The following ARHGAP6 variants were observed in gnomAD, a reference collection of about 807,000 sequenced individuals.
The protein encoded by ARHGAP6 is rho GTPase-activating protein 6.
Under a neutral mutation model 55.7 loss-of-function variants are expected in ARHGAP6, and 16 were observed. The observed-to-expected ratio is 0.29, with a 90% CI of 0.19 to 0.44. The LOEUF (loss-of-function observed/expected upper bound fraction) is 0.44, where lower values mean the gene tolerates loss of function less well. Ranked by LOEUF, ARHGAP6 falls within the 20% of genes least tolerant of loss-of-function variation. ARHGAP6 has a pLI of 1.00. For missense variants in ARHGAP6, 698 were observed against 808.9 expected, an observed-to-expected ratio of 0.86 and a Z score of 1.66; for synonymous variants, 382 against 360.9, an observed-to-expected ratio of 1.06 and a Z score of -0.66.
intron 1 of ARHGAP6, among the ~76,000 whole-genome samples, chrX:11,341,708 A>C (rs972687601): frequency 8.9e-6 from 1 of 112,123 alleles, no homozygotes; most frequent in Non-Finnish European, 1.9e-5. Context: ...TCACAGCTGA[A>C]CAATGTTTCT....
Position 11,252,803 on chromosome X carries a change from C to T in ARHGAP6, c.748+1745G>A, listed in dbSNP as rs777455920. Among the ~76,000 whole-genome samples the T allele has an allele frequency of 3.6e-5, 4 of 112,001 alleles. No homozygotes were observed. The East Asian group carries it at 1.1e-3, about 32-fold the overall frequency. On this transcript the variant is annotated intron_variant, in intron 2 of 12. Transcript: ENST00000337414. ...ACCTCCAATGGAGTCTCAGGTTCTG[C>T]TTCAAGAAAAAACGTGGCCCTAAGA...
At chrX:11,290,490 C>CA (rs746332445) in intron 1 of ARHGAP6, 9,496 of 174,316 alleles carry the variant, frequency 0.054, 228 homozygotes, top group Non-Finnish European at 0.069. Context: ...TCTACCCCAG[C>CA]AAAAAAAAAA....
At chrX:11,348,326 C>T (rs1389047895) in intron 1 of ARHGAP6, among the ~76,000 whole-genome samples, 2 of 112,256 alleles carry the variant, frequency 1.8e-5, no homozygotes, top group African/African-American at 6.5e-5. Context: ...CTATGACATA[C>T]GTGAAGTACA....
At chrX:11,591,642 T>C (rs1238295291) in intron 1 of ARHGAP6, among the ~76,000 whole-genome samples, 5 of 111,621 alleles carry the variant, frequency 4.5e-5, no homozygotes, top group Admixed American at 2.9e-4. Flanking sequence ...TTGACCATAA[T>C]GGGCAAATCC....
At chrX:11,541,443 T>A (rs555866422) in intron 1 of ARHGAP6, among the ~76,000 whole-genome samples, 354 of 111,270 alleles carry the variant, frequency 3.2e-3, no homozygotes, top group African/African-American at 0.011. Flanking sequence ...TTGGTCCACA[T>A]AGGAAAGGTA....
At chrX:11,649,891 G>A (rs187833102) in intron 1 of ARHGAP6, among the ~76,000 whole-genome samples, 24 of 110,573 alleles carry the variant, frequency 2.2e-4, no homozygotes, top group Admixed American at 7.7e-4. Flanking sequence ...TCAACTTTCT[G>A]CATTATAAAA....
intron 1 of ARHGAP6, among the ~76,000 whole-genome samples, chrX:11,367,619 T>A (rs1319913373): frequency 4.4e-5 from 5 of 112,398 alleles, no homozygotes; most frequent in African/African-American, 1.6e-4. Context: ...AATAATATGG[T>A]CATTTAAAAT....
intron 1 of ARHGAP6, among the ~76,000 whole-genome samples, chrX:11,536,110 A>C (rs1395652354): frequency 8.9e-6 from 1 of 111,738 alleles, no homozygotes; most frequent in Admixed American, 9.5e-5. Flanking sequence ...GAGTGAGCCA[A>C]GCCAACCAAC....
intron 1 of ARHGAP6, among the ~76,000 whole-genome samples, chrX:11,304,876 T>G (rs1180969032): frequency 1.1e-5 from 1 of 88,093 alleles, no homozygotes; most frequent in Non-Finnish European, 2.1e-5. Context: ...AATCACCACC[T>G]CCCAAATTCA....
chrX:11,609,934 G>C (rs902473732), intron 1 of ARHGAP6, among the ~76,000 whole-genome samples: 1 of 111,650 alleles, frequency 9.0e-6, no homozygotes, highest in Non-Finnish European at 1.9e-5. Flanking sequence ...GCCTCCAGGC[G>C]TGTGCAGGTG....
At chrX:11,357,710 T>A (rs1273166436) in intron 1 of ARHGAP6, among the ~76,000 whole-genome samples, 1 of 111,543 alleles carries the variant, frequency 9.0e-6, no homozygotes, top group Non-Finnish European at 1.9e-5. Flanking sequence ...CCCATGCTAA[T>A]AAGTCTTTTA....
chrX:11,644,774 T>C (rs1432064703), intron 1 of ARHGAP6, among the ~76,000 whole-genome samples: 2 of 111,658 alleles, frequency 1.8e-5, no homozygotes, highest in African/African-American at 3.2e-5. Flanking sequence ...CCCTGGAAAA[T>C]AGTTTGATAG....
At chrX:11,335,627 G>T in intron 1 of ARHGAP6, 1 of 254,251 alleles carries the variant, frequency 3.9e-6, no homozygotes, top group Non-Finnish European at 7.3e-6. Context: ...ATTATTGATG[G>T]ACATCTGGGT....
intron 2 of ARHGAP6, among the ~76,000 whole-genome samples, chrX:11,209,650 A>G (rs914039453): frequency 9.8e-5 from 11 of 112,605 alleles, no homozygotes; most frequent in African/African-American, 3.5e-4. Flanking sequence ...TATGTACAGA[A>G]CTGTATTTTA....
chrX:11,401,179 T>A (rs2049544016), intron 1 of ARHGAP6, among the ~76,000 whole-genome samples: 1 of 111,274 alleles, frequency 9.0e-6, no homozygotes, highest in Admixed American at 9.6e-5. Flanking sequence ...TTCCTGGGAT[T>A]GGAAGAGCAT....
intron 1 of ARHGAP6, among the ~76,000 whole-genome samples, chrX:11,520,131 T>TTATATATATACATA (rs2050898887): frequency 3.8e-4 from 7 of 18,250 alleles, no homozygotes; most frequent in Non-Finnish European, 7.0e-4. Flanking sequence ...AGAATTGATT[T>TTATATATATACATA]TATATATATA....
Position 11,372,771 on chromosome X carries a change from C to CAAA in ARHGAP6, c.589-118067_589-118065dup, listed in dbSNP as rs1171647934. Among the ~76,000 whole-genome samples, 26 of 14,344 alleles carry CAAA rather than the reference C, an allele frequency of 1.8e-3. 1 individual carries two copies. Among genetic ancestry groups the CAAA allele is most frequent in the African/African-American group, 4.6e-3 (16 of 3,486 alleles). The allele number at this position is 14,344 out of a possible 115,157, so 12.5% of individuals were successfully genotyped here. ...TGGGTGACAGAGCGAGACTCCATCT[C>CAAA]AAAAAAAAAAAAAAAAAAAAAAAAA... On this transcript the variant is annotated intron_variant, in intron 1 of 12. Coordinates refer to ENST00000337414, the MANE Select transcript of ARHGAP6 (RefSeq NM_013427.3).
Position 11,388,864 on chromosome X carries a change from C to G in ARHGAP6, c.589-134157G>C, listed in dbSNP as rs190898948. On this transcript the variant is annotated intron_variant, in intron 1 of 12. Transcript: ENST00000337414. ...AATTATTTTACATATTTGAAACCAT[C>G]TTTAAATAGAAATCCAGTGTACCAT... Among the ~76,000 whole-genome samples the G allele has an allele frequency of 4.2e-4, 47 of 111,969 alleles. No individual in the cohort carries two copies. In the East Asian group the frequency reaches 0.011, roughly 26 times the overall value.
chrX:11,528,585 T>G (rs778466313), intron 1 of ARHGAP6, among the ~76,000 whole-genome samples: 1 of 112,172 alleles, frequency 8.9e-6, no homozygotes, highest in African/African-American at 3.2e-5. Context: ...CTGTTATCAA[T>G]GCAGATTCTT....
Sources: gnomAD v4.1 joint callset for allele counts (sites outside exome capture counted in the v4.1 genomes callset) on GRCh38, gnomAD v4.1.1 for gene constraint, MANE v1.5 for transcripts, NCBI Gene and HGNC (gene_info 2026-07-23, HGNC 2026-07-21) for gene names.